Variants in TNRC18 observed in about 807,000 individuals in gnomAD.
The protein encoded by TNRC18 is trinucleotide repeat-containing gene 18 protein.
In TNRC18, 69 loss-of-function variants were observed where a neutral mutation model predicts 226.7. The ratio of observed to expected loss-of-function variants is 0.30; its 90% CI spans 0.25 to 0.37. The LOEUF is 0.37. Among genes scored for constraint, TNRC18 ranks in the 10% least tolerant of loss-of-function variants. TNRC18 has a pLI of 1.00. For missense variants in TNRC18, 4,754 were observed against 4,256.6 expected (o/e 1.12, Z -3.25); for synonymous variants, 2,449 against 1,927.6 (o/e 1.27, Z -7.09).
In TNRC18 at chr7:5,325,404, G is replaced by A. The variant is rs10240159; in HGVS notation, c.6148-156C>T. On this transcript the variant is annotated intron_variant, in intron 19 of 29. Transcript: ENST00000430969. ...ACCCCTTCTCTCTCTTCCTGCAAGC[G>A]TTTTTGGTTTTGGGTTTTTTTTTGT... 0.086 allele frequency: 66,711 copies of A among 773,690 alleles called. 3,666 individuals are homozygous for A. Among genetic ancestry groups the A allele is most frequent in the South Asian group, 0.17 (8,840 of 52,594 alleles). 47.9% of individuals were successfully genotyped at this position (773,690 alleles called of 1,614,324 possible). A position where few individuals can be genotyped will look rare whatever the true frequency, so the allele number is the denominator to read the frequency against.
At chr7:5,369,660 T>G (rs1485858477) in intron 11 of TNRC18, among the ~76,000 whole-genome samples, 4 of 152,192 alleles carry the variant, frequency 2.6e-5, no homozygotes, top group Non-Finnish European at 2.9e-5. Flanking sequence ...CTTGGTTTCT[T>G]GGCTTGAACA....
Position 5,358,852 on chromosome 7 carries a change from G to A in TNRC18, c.4833+546C>T, listed in dbSNP as rs1236717072. 3.9e-5 allele frequency among the ~76,000 whole-genome samples: 6 copies of A among 152,084 alleles called. No homozygotes were observed. In the East Asian group the frequency reaches 9.6e-4, roughly 24 times the overall value. Reference sequence around the variant, plus strand: ...CAAAAAAAAACTACCCCTTTGCACTGGACTTTATGGGGAGGGATGGCAAGG... The same window carrying A: ...CAAAAAAAAACTACCCCTTTGCACTAGACTTTATGGGGAGGGATGGCAAGG... On this transcript the variant is annotated intron_variant, in intron 15 of 29. Transcript: ENST00000430969.
intron 27 of TNRC18, among the ~76,000 whole-genome samples, chr7:5,311,276 G>A (rs1286342893): frequency 6.6e-6 from 1 of 152,252 alleles, no homozygotes; most frequent in Non-Finnish European, 1.5e-5. Context: ...GCCACAGGCA[G>A]GCTGGAAGGG....
intron 24 of TNRC18, among the ~76,000 whole-genome samples, chr7:5,319,277 C>T (rs1009855262): frequency 6.6e-6 from 1 of 152,166 alleles, no homozygotes; most frequent in Non-Finnish European, 1.5e-5. Context: ...CATTGGCTTC[C>T]ATCTTCTGGG....
chr7:5,384,360 C>T (rs1032070392), intron 5 of TNRC18, among the ~76,000 whole-genome samples: 2 of 152,192 alleles, frequency 1.3e-5, no homozygotes, highest in Non-Finnish European at 2.9e-5. Flanking sequence ...GTTGGCCTTC[C>T]GAAGTGCTGG....
intron 18 of TNRC18, among the ~76,000 whole-genome samples, chr7:5,345,263 C>A (rs935341576): frequency 1.3e-5 from 2 of 152,234 alleles, no homozygotes; most frequent in African/African-American, 4.8e-5. Flanking sequence ...GGGTCAGGGA[C>A]CTCCATGGAG....
rs939081403 is a variant in TNRC18, at chr7:5,312,923, C to A, written c.7968G>T (p.Ser2656=). The change falls in exon 27 of 30, where the codon TCG becomes TCT. Residue 2656 remains serine (S), a synonymous_variant. Coordinates refer to ENST00000430969, the MANE Select transcript of TNRC18 (RefSeq NM_001080495.3). This position sits in a 1 kb window ranked among gnomAD's most constrained non-coding sequence, Gnocchi z 6.3. The stretch of plus-strand genomic sequence containing the variant: ...AGGAGGAGGAGGAGGAGGATGAGGA[C>A]GAGGAAGAGGAGGAGGAGGAAGAGG... ...SSSSSSSSSS[S]SSSSSSSSSS... 1.4e-4 allele frequency: 200 copies of A among 1,437,812 alleles called. No homozygotes were observed. The African/African-American group carries it at 2.9e-3, about 21-fold the overall frequency. The allele number at this position is 1,437,812 out of a possible 1,614,324, so 89.1% of individuals were successfully genotyped here.
At chr7:5,361,043 G>A (rs1162613354) in intron 14 of TNRC18, among the ~76,000 whole-genome samples, 1 of 152,174 alleles carries the variant, frequency 6.6e-6, no homozygotes, top group South Asian at 2.1e-4. Context: ...TTCTGTGCAC[G>A]CCTCGCCCTG....
At chr7:5,326,855 T>A (rs1242640517) in intron 19 of TNRC18, among the ~76,000 whole-genome samples, 1 of 147,738 alleles carries the variant, frequency 6.8e-6, no homozygotes, top group African/African-American at 2.5e-5. Context: ...CCAGGTGCAG[T>A]GGCTCCTGCC....
chr7:5,422,158 G>T (rs762429417), intron 1 of TNRC18, among the ~76,000 whole-genome samples: 1 of 152,048 alleles, frequency 6.6e-6, no homozygotes, highest in Non-Finnish European at 1.5e-5. Context: ...GACCCGAGAC[G>T]TGGCATTCTC....
rs1390380549 is a variant in TNRC18, at chr7:5,309,447, G to C, written c.8389-79C>G. On this transcript the variant is annotated intron_variant, in intron 27 of 29. Coordinates refer to ENST00000430969, the MANE Select transcript of TNRC18 (RefSeq NM_001080495.3). The surrounding 1 kb of genome is among the most constrained non-coding windows in gnomAD (Gnocchi z 5.7). Reference sequence around the variant, plus strand: ...GCCGCCTGGCAGGCTCTGCCGCTTGGGACTCTGGGCCCTCGGCCTCTAAAT... The same window carrying C: ...GCCGCCTGGCAGGCTCTGCCGCTTGCGACTCTGGGCCCTCGGCCTCTAAAT... 3.0e-6 allele frequency: 4 copies of C among 1,323,602 alleles called. No individual in the cohort carries two copies. Among genetic ancestry groups the C allele is most frequent in the Admixed American group, 4.4e-5 (2 of 45,488 alleles). 82.0% of individuals were successfully genotyped at this position (1,323,602 alleles called of 1,614,324 possible). A position where few individuals can be genotyped will look rare whatever the true frequency, so the allele number is the denominator to read the frequency against.
chr7:5,421,027 C>T (rs371906159), intron 2 of TNRC18, 33 bp downstream of exon 2: 1 of 1,536,698 alleles, frequency 6.5e-7, no homozygotes, highest in Non-Finnish European at 8.8e-7. Flanking sequence ...CCTGGGAAGA[C>T]AGGAGGGGAC....
rs958749219 is a variant in TNRC18, at chr7:5,388,857, T to A, written c.967A>T (p.Thr323Ser). The change falls in exon 5 of 30, where the codon ACC becomes TCC. Residue 323 changes from threonine to serine, a missense_variant. Coordinates refer to ENST00000430969, the MANE Select transcript of TNRC18 (RefSeq NM_001080495.3). Reference sequence around the variant, plus strand: ...CAGGGGCGCGGCCCAGGGAGCAGGGTCTCCGTGCGCCGCAGCAGCCGCGCG... The same window carrying A: ...CAGGGGCGCGGCCCAGGGAGCAGGGACTCCGTGCGCCGCAGCAGCCGCGCG... The part of the protein sequence containing the change: ...EGARLLRRTE[T>S]LLPGPRPCPS... The A allele has an allele frequency of 7.9e-7, 1 of 1,268,950 alleles. No individual in the cohort carries two copies. The highest frequency in any genetic ancestry group is 1.0e-6 in the Non-Finnish European group (1 of 1,004,152). The allele number at this position is 1,268,950 out of a possible 1,614,324, so 78.6% of individuals were successfully genotyped here.
At chr7:5,340,400 G>T (rs1257520110) in intron 18 of TNRC18, among the ~76,000 whole-genome samples, 1 of 152,198 alleles carries the variant, frequency 6.6e-6, no homozygotes, top group Non-Finnish European at 1.5e-5. Flanking sequence ...AGCTGCAAAA[G>T]AAAAGTTTGA....
At chr7:5,328,187 C>A (rs1040159202) in intron 19 of TNRC18, among the ~76,000 whole-genome samples, 1 of 151,776 alleles carries the variant, frequency 6.6e-6, no homozygotes, top group African/African-American at 2.4e-5. Context: ...CACTGTACTC[C>A]AGCCTGGGCC....
In TNRC18 at chr7:5,377,066, C is replaced by T; in HGVS notation, c.2462-73G>A. On this transcript the variant is annotated intron_variant, in intron 7 of 29. Coordinates refer to ENST00000430969, the MANE Select transcript of TNRC18 (RefSeq NM_001080495.3). The surrounding 1 kb of genome is among the most constrained non-coding windows in gnomAD (Gnocchi z 5.8). ...GGTTTGTCCTCGGGCAGCCCCAGCC[C>T]AGCACCACCTCCCAAGTCCTGAACC... 6.6e-7 allele frequency: 1 copy of T among 1,521,362 alleles called. No homozygotes were observed. The allele number at this position is 1,521,362 out of a possible 1,614,324, so 94.2% of individuals were successfully genotyped here.
intron 18 of TNRC18, among the ~76,000 whole-genome samples, chr7:5,344,436 G>A (rs1282673672): frequency 6.6e-6 from 1 of 152,146 alleles, no homozygotes; most frequent in African/African-American, 2.4e-5. Context: ...TGCCAGGCCT[G>A]GAGCCCAGCA....
chr7:5,380,372 G>A (rs1321759578), intron 5 of TNRC18, among the ~76,000 whole-genome samples: 1 of 152,238 alleles, frequency 6.6e-6, no homozygotes, highest in Non-Finnish European at 1.5e-5. Flanking sequence ...CTTGAGCCCA[G>A]GAGGTGGAGA....
Position 5,381,088 on chromosome 7 carries a change from G to C in TNRC18, c.2153-3064C>G, listed in dbSNP as rs976974702. ...GGGCTTCCCATCCCAAGCGCCACCT[G>C]CCACAGAAGCCAGTCTGCTGGCCAG... On this transcript the variant is annotated intron_variant, in intron 5 of 29. Transcript: ENST00000430969. Among the ~76,000 whole-genome samples the C allele has an allele frequency of 3.9e-5, 6 of 152,152 alleles. No homozygotes were observed. The East Asian group carries it at 1.2e-3, about 29-fold the overall frequency.
Sources: allele counts gnomAD v4.1 joint callset (sites outside exome capture counted in the v4.1 genomes callset), GRCh38; gene constraint gnomAD v4.1.1; non-coding constraint Gnocchi (gnomAD v3.1); transcripts MANE v1.5; gene names NCBI Gene and HGNC (gene_info 2026-07-23, HGNC 2026-07-21).